Variants in ZC3H12B observed in about 807,000 individuals in gnomAD.
ZC3H12B encodes probable ribonuclease ZC3H12B.
A neutral mutation model predicts 43.9 loss-of-function variants in ZC3H12B; 7 were observed. That is an observed-to-expected ratio of 0.16 (90% CI 0.09 to 0.30). The LOEUF (loss-of-function observed/expected upper bound fraction) is 0.30, where lower values mean the gene tolerates loss of function less well. Ranked by LOEUF, ZC3H12B falls within the 10% of genes least tolerant of loss-of-function variation. The pLI, the probability that ZC3H12B is intolerant of heterozygous loss-of-function variation, is 1.00. For synonymous variants in ZC3H12B, 222 were observed against 241.7 expected (o/e 0.92, Z 0.76); for missense variants, 475 against 670.2 (o/e 0.71, Z 3.22).
chrX:65,371,564 A>G (rs1216110025), intron 2 of ZC3H12B, among the ~76,000 whole-genome samples: 1 of 112,086 alleles, frequency 8.9e-6, no homozygotes, highest in Non-Finnish European at 1.9e-5. Context: ...ACAGGTAAGA[A>G]TACTTAAGAA....
chrX:65,246,674 T>G, the ZC3H12B span, among the ~76,000 whole-genome samples: 41 of 112,272 alleles, frequency 3.7e-4, no homozygotes, highest in Non-Finnish European at 6.9e-4. Flanking sequence ...CCTTGTTCAA[T>G]AAATAGTGCT....
chrX:65,359,037 T>A, the ZC3H12B span, among the ~76,000 whole-genome samples: 2 of 111,566 alleles, frequency 1.8e-5, no homozygotes, highest in African/African-American at 3.3e-5. Flanking sequence ...AGAGTTATGC[T>A]AAATCTACTC....
At chrX:65,236,886 A>T in the ZC3H12B span, among the ~76,000 whole-genome samples, 4 of 111,387 alleles carry the variant, frequency 3.6e-5, no homozygotes, top group Non-Finnish European at 7.5e-5. Context: ...TGAGTTCTCT[A>T]TTATCTTCCA....
chrX:65,420,994 C>T (rs748652332), intron 3 of ZC3H12B, among the ~76,000 whole-genome samples: 8 of 112,190 alleles, frequency 7.1e-5, no homozygotes, highest in Non-Finnish European at 9.4e-5. Flanking sequence ...AGCAATACAC[C>T]TTGACTGTCC....
the ZC3H12B span, among the ~76,000 whole-genome samples, chrX:65,254,701 A>T: frequency 8.9e-6 from 1 of 112,286 alleles, no homozygotes; most frequent in Non-Finnish European, 1.9e-5. Context: ...AATGACTCTT[A>T]ACCAGGCTGA....
At chrX:65,366,335 C>G (rs776408525), upstream of ZC3H12B, among the ~76,000 whole-genome samples, 21 of 111,564 alleles carry the variant, frequency 1.9e-4, no homozygotes, top group Non-Finnish European at 3.4e-4. Context: ...TCATGATGGT[C>G]ATCTGTCCTG....
At chrX:65,281,701 A>C in the ZC3H12B span, among the ~76,000 whole-genome samples, 2 of 112,686 alleles carry the variant, frequency 1.8e-5, no homozygotes, top group South Asian at 7.2e-4. Flanking sequence ...TAAATGTCAT[A>C]GCTGAAATGT....
intron 2 of ZC3H12B, among the ~76,000 whole-genome samples, chrX:65,372,530 A>G (rs1421036977): frequency 1.0e-5 from 1 of 99,486 alleles, no homozygotes; most frequent in Non-Finnish European, 2.0e-5. Context: ...GGAAGGAAGG[A>G]AGGAAGGAAG....
intron 3 of ZC3H12B, among the ~76,000 whole-genome samples, chrX:65,421,582 TG>T (rs765614135): frequency 8.9e-6 from 1 of 112,505 alleles, no homozygotes; most frequent in East Asian, 2.8e-4. Context: ...CTACCATCCA[TG>T]GGCTTACTGA....
At chrX:65,250,469 G>T in the ZC3H12B span, among the ~76,000 whole-genome samples, 2 of 111,682 alleles carry the variant, frequency 1.8e-5, no homozygotes, top group Admixed American at 9.5e-5. Flanking sequence ...GGATGTCTGG[G>T]TCAAATGGCA....
chrX:65,253,473 G>A, the ZC3H12B span, among the ~76,000 whole-genome samples: 2 of 112,386 alleles, frequency 1.8e-5, no homozygotes, highest in African/African-American at 6.5e-5. Flanking sequence ...AGAGGGCTTG[G>A]TGCAGGAACA....
the ZC3H12B span, among the ~76,000 whole-genome samples, chrX:65,234,173 A>C: frequency 8.9e-6 from 1 of 112,130 alleles, no homozygotes; most frequent in Non-Finnish European, 1.9e-5. Flanking sequence ...ATGTAGTGGA[A>C]TTCATTTCAG....
intron 3 of ZC3H12B, among the ~76,000 whole-genome samples, chrX:65,466,523 A>G (rs1375300475): frequency 2.7e-5 from 3 of 110,048 alleles, no homozygotes; most frequent in African/African-American, 9.8e-5. Context: ...TAATACTCAA[A>G]TGAACATTGG....
chrX:65,045,635 A>G, the ZC3H12B span, among the ~76,000 whole-genome samples: 4 of 111,789 alleles, frequency 3.6e-5, no homozygotes, highest in Admixed American at 1.9e-4. Flanking sequence ...AAAATAATCC[A>G]TGGGGATTGG....
chrX:65,224,618 A>G, the ZC3H12B span, among the ~76,000 whole-genome samples: 1 of 112,137 alleles, frequency 8.9e-6, no homozygotes. Flanking sequence ...TCCCTTTCCT[A>G]GTCAAAGAAA....
the ZC3H12B span, among the ~76,000 whole-genome samples, chrX:65,172,008 G>A: frequency 2.7e-4 from 30 of 112,414 alleles, no homozygotes; most frequent in East Asian, 3.4e-3. Flanking sequence ...GCGATATCCC[G>A]CCCTGCTCTG....
chrX:65,450,126 G>A (rs751384703), intron 3 of ZC3H12B, among the ~76,000 whole-genome samples: 20 of 107,528 alleles, frequency 1.9e-4, no homozygotes, highest in Admixed American at 3.1e-4. Context: ...CCAAGATGGC[G>A]AAACCCTGTC....
intron 3 of ZC3H12B, among the ~76,000 whole-genome samples, chrX:65,444,004 A>C (rs1335482519): frequency 8.9e-6 from 1 of 112,096 alleles, no homozygotes; most frequent in Non-Finnish European, 1.9e-5. Flanking sequence ...ATTTATGTTC[A>C]ATGTTATTAT....
At chrX:65,248,278 C>T in the ZC3H12B span, among the ~76,000 whole-genome samples, 1 of 111,142 alleles carries the variant, frequency 9.0e-6, no homozygotes, top group African/African-American at 3.3e-5. Context: ...TTTCAGGTGA[C>T]CTTAGCCTCC....
Sources: gnomAD v4.1 joint callset for allele counts (sites outside exome capture counted in the v4.1 genomes callset) on GRCh38, gnomAD v4.1.1 for gene constraint, MANE v1.5 for transcripts, NCBI Gene and HGNC (gene_info 2026-07-23, HGNC 2026-07-21) for gene names.